The following FAF2 variants were observed in gnomAD, a reference collection of about 807,000 sequenced individuals.
The protein encoded by FAF2 is Fas associated factor family member 2.
In FAF2, 9 loss-of-function variants were observed where a neutral mutation model predicts 62.3. The observed-to-expected ratio is 0.14, with a 90% confidence interval of 0.09 to 0.25. The LOEUF (loss-of-function observed/expected upper bound fraction) is 0.25. Among genes scored for constraint, FAF2 ranks in the 10% least tolerant of loss-of-function variants. The probability of loss-of-function intolerance (pLI) is 1.00; values close to 1 mark genes in which losing one functional copy is unlikely to be tolerated. For synonymous variants in FAF2, 202 were observed against 198.0 expected, an observed-to-expected ratio of 1.02 and a Z score of -0.17; for missense variants, 368 against 556.2, an observed-to-expected ratio of 0.66 and a Z score of 3.40.
At chr5:176,493,401 C>T (rs114475121) in intron 5 of FAF2, among the ~76,000 whole-genome samples, 4,645 of 152,318 alleles carry the variant, frequency 0.03, 214 homozygotes, top group African/African-American at 0.11. Context: ...TTGACCATGT[C>T]AGCAGTCGTA....
chr5:176,492,917 C>A (rs1758998738), intron 5 of FAF2, among the ~76,000 whole-genome samples: 1 of 152,198 alleles, frequency 6.6e-6, no homozygotes, highest in Non-Finnish European at 1.5e-5. Flanking sequence ...TGATCTCTCA[C>A]AGAATTGAAT....
intron 1 of FAF2, among the ~76,000 whole-genome samples, chr5:176,477,583 C>T (rs1270502169): frequency 6.6e-6 from 1 of 152,156 alleles, no homozygotes; most frequent in East Asian, 1.9e-4. Flanking sequence ...GCCAGTGGTT[C>T]TTAAAGGAAC....
At chr5:176,469,872 T>C (rs1282740246) in intron 1 of FAF2, among the ~76,000 whole-genome samples, 1 of 152,158 alleles carries the variant, frequency 6.6e-6, no homozygotes, top group Non-Finnish European at 1.5e-5. Context: ...TAAAATAATG[T>C]GCAAAATTAT....
chr5:176,472,602 G>T (rs1168087075), intron 1 of FAF2, among the ~76,000 whole-genome samples: 1 of 151,236 alleles, frequency 6.6e-6, no homozygotes, highest in East Asian at 1.9e-4. Context: ...TTTTTAAAAA[G>T]TTCCTTCATA....
chr5:176,475,734 C>T (rs1316902963), intron 1 of FAF2, among the ~76,000 whole-genome samples: 3 of 151,386 alleles, frequency 2.0e-5, no homozygotes, highest in Non-Finnish European at 2.9e-5. Flanking sequence ...TGCCATTGCA[C>T]GCCAGCCTGG....
intron 1 of FAF2, among the ~76,000 whole-genome samples, chr5:176,461,515 A>T (rs1279034203): frequency 1.3e-5 from 2 of 149,864 alleles, no homozygotes; most frequent in South Asian, 2.1e-4. Context: ...TTTTTTAGAG[A>T]TAGGGTCTTG....
At chr5:176,504,691 AAG>A in intron 10 of FAF2, among the ~76,000 whole-genome samples, 1 of 152,172 alleles carries the variant, frequency 6.6e-6, no homozygotes, top group Non-Finnish European at 1.5e-5. Context: ...GGGAATTGCA[AAG>A]AGAGAAGGAA....
Position 176,484,806 on chromosome 5 carries a change from G to A in FAF2, c.133-1549G>A, listed in dbSNP as rs188879295. On this transcript the variant is annotated intron_variant, in intron 2 of 10. Transcript: ENST00000261942. Reference sequence around the variant, plus strand: ...CTCGGGAGGCTGAGGCAGGAGAATCGCTTGAACCTGGGGGCGCGGAGGTTG... The same window carrying A: ...CTCGGGAGGCTGAGGCAGGAGAATCACTTGAACCTGGGGGCGCGGAGGTTG... 3.4e-3 allele frequency among the ~76,000 whole-genome samples: 516 copies of A among 151,626 alleles called. 3 individuals carry two copies. Among genetic ancestry groups the A allele is most frequent in the African/African-American group, 0.011 (471 of 41,288 alleles).
At chr5:176,473,519 C>T (rs531251431) in intron 1 of FAF2, among the ~76,000 whole-genome samples, 57 of 152,260 alleles carry the variant, frequency 3.7e-4, no homozygotes, top group East Asian at 1.2e-3. Context: ...GCCCTGTTTC[C>T]GTTCTGTACT....
chr5:176,507,524 A>G lies in FAF2; in HGVS notation c.*574A>G, dbSNP rs777059632. On this transcript the variant is annotated 3_prime_UTR_variant, in exon 11 of 11. Transcript: ENST00000261942. Reference sequence around the variant, plus strand: ...ATGAGGCTGACATAGGTATATATATATATTTTTTTCCTTTATTTGATAAAG... The same window carrying G: ...ATGAGGCTGACATAGGTATATATATGTATTTTTTTCCTTTATTTGATAAAG... 2 of 169,776 alleles carry G rather than the reference A, an allele frequency of 1.2e-5. No individual in the cohort carries two copies. Among genetic ancestry groups the G allele is most frequent in the Non-Finnish European group, 2.6e-5 (2 of 78,092 alleles). The allele number at this position is 169,776 out of a possible 1,614,324, so 10.5% of individuals were successfully genotyped here.
At chr5:176,472,596 T>TA (rs1407892752) in intron 1 of FAF2, among the ~76,000 whole-genome samples, 1 of 151,756 alleles carries the variant, frequency 6.6e-6, no homozygotes, top group African/African-American at 2.4e-5. Context: ...TAGCATTTTT[T>TA]AAAAAGTTCC....
intron 1 of FAF2, among the ~76,000 whole-genome samples, chr5:176,458,755 A>G (rs1005499838): frequency 6.6e-6 from 1 of 152,194 alleles, no homozygotes; most frequent in Non-Finnish European, 1.5e-5. Context: ...TTAGAGCAGC[A>G]TAAAATTTTT....
chr5:176,498,251 A>G (rs1755532039), intron 8 of FAF2, among the ~76,000 whole-genome samples: 1 of 152,208 alleles, frequency 6.6e-6, no homozygotes, highest in African/African-American at 2.4e-5. Flanking sequence ...TCTTGATTGG[A>G]GTGGTGATTA....
chr5:176,486,274 C>A, intron 2 of FAF2, 81 bp from the exon 3 acceptor site: 1 of 1,558,396 alleles, frequency 6.4e-7, no homozygotes, highest in Non-Finnish European at 8.8e-7. Context: ...TTTTGGAATA[C>A]CACGCAATAG....
rs1299675870 is a variant in FAF2, at chr5:176,451,847, C to CATATATATATATACATAT, written c.63+3386_63+3387insTATACATATATATATATA. ...ATATATACATATATATATATACACA[C>CATATATATATATACATAT]ATATATATACACATATATATATACA... On this transcript the variant is annotated intron_variant, in intron 1 of 10. Transcript: ENST00000261942. Among the ~76,000 whole-genome samples, 6 of 22,366 alleles carry CATATATATATATACATAT rather than the reference C, an allele frequency of 2.7e-4. No individual in the cohort carries two copies. The South Asian group carries it at 0.012, about 43-fold the overall frequency. 14.7% of individuals were successfully genotyped at this position (22,366 alleles called of 152,430 possible). A position where few individuals can be genotyped will look rare whatever the true frequency, so the allele number is the denominator to read the frequency against.
chr5:176,455,663 T>G (rs1197180430), intron 1 of FAF2, among the ~76,000 whole-genome samples: 1 of 149,968 alleles, frequency 6.7e-6, no homozygotes, highest in East Asian at 2.0e-4. Flanking sequence ...GCAGGAGAAT[T>G]GCTTGAACCT....
At chr5:176,482,286 C>G (rs886149461) in intron 2 of FAF2, among the ~76,000 whole-genome samples, 5 of 149,934 alleles carry the variant, frequency 3.3e-5, no homozygotes, top group Admixed American at 3.3e-4. Flanking sequence ...GGCGTGATCA[C>G]GGCTCACTGC....
rs1341874858 is a variant in FAF2, at chr5:176,492,339, G to A, written c.483+7G>A. 6.2e-7 allele frequency: 1 copy of A among 1,610,260 alleles called. No individual in the cohort carries two copies. The highest frequency in any genetic ancestry group is 2.2e-5 in the East Asian group (1 of 44,834). On this transcript the variant is annotated splice_region_variant and intron_variant, in intron 5 of 10. Transcript: ENST00000261942. ...CCAGGGAACGTACAGCCAGGTCAGTGCCATAAACCATATAGATGCCAACTT... is the reference window on the plus strand; with the variant it reads ...CCAGGGAACGTACAGCCAGGTCAGTACCATAAACCATATAGATGCCAACTT...
At chr5:176,498,650 A>G (rs1433350100) in intron 8 of FAF2, among the ~76,000 whole-genome samples, 2 of 152,212 alleles carry the variant, frequency 1.3e-5, no homozygotes, top group Non-Finnish European at 2.9e-5. Context: ...CACATTTGTT[A>G]GAATTAGGGG....
Sources: gnomAD v4.1 joint callset for allele counts (sites outside exome capture counted in the v4.1 genomes callset) on GRCh38, gnomAD v4.1.1 for gene constraint, MANE v1.5 for transcripts, NCBI Gene and HGNC (gene_info 2026-07-23, HGNC 2026-07-21) for gene names.